DYRK4: variants seen among roughly 807,000 people sequenced by gnomAD.
DYRK4 encodes the protein dual specificity tyrosine phosphorylation regulated kinase 4, also known as dual specificity tyrosine-phosphorylation-regulated kinase 4.
Under a neutral mutation model 68.3 loss-of-function variants are expected in DYRK4, and 64 were observed. The observed-to-expected ratio is 0.94, with a 90% CI of 0.77 to 1.15. The LOEUF (loss-of-function observed/expected upper bound fraction) is 1.15, where lower values mean the gene tolerates loss of function less well. Among genes scored for constraint, DYRK4 ranks in the 50% most tolerant of loss-of-function variants. DYRK4 has a pLI of 0.00. For missense variants in DYRK4, 740 were observed against 764.7 expected (o/e 0.97, Z 0.38); for synonymous variants, 274 against 289.9 (o/e 0.95, Z 0.56).
At chr12:4,599,529 C>G (rs1945057658) in intron 9 of DYRK4, 178 bp from the exon 10 acceptor site, 2 of 586,214 alleles carry the variant, frequency 3.4e-6, no homozygotes, top group East Asian at 5.8e-5. Flanking sequence ...GAAACGCCGA[C>G]CACAAGTCAA....
intron 10 of DYRK4, chr12:4,603,082 T>G (rs1945099681): frequency 7.6e-7 from 1 of 1,321,942 alleles, no homozygotes; most frequent in African/African-American, 1.5e-5. Context: ...CCTCCAAGTC[T>G]TTCTGGCTTT....
chr12:4,597,501 G>T (rs540142698), intron 8 of DYRK4, among the ~76,000 whole-genome samples: 1 of 152,338 alleles, frequency 6.6e-6, no homozygotes, highest in South Asian at 2.1e-4. Context: ...ACAAAGCGTG[G>T]TCGAGTCTCT....
chr12:4,563,793 A>C (rs1255774150), intron 1 of DYRK4, among the ~76,000 whole-genome samples: 1 of 152,226 alleles, frequency 6.6e-6, no homozygotes, highest in Non-Finnish European at 1.5e-5. Flanking sequence ...TCTTGAGTAG[A>C]AAAGAGATAG....
In DYRK4 at chr12:4,567,948, C is replaced by G; in HGVS notation, c.39-7C>G. On this transcript the variant is annotated splice_region_variant and splice_polypyrimidine_tract_variant and intron_variant, in intron 1 of 14. Transcript: ENST00000543431. ...TGCCAATTTATTTTTTACTTTCCCT[C>G]ATGCAGGACTCAAATGGATGCTAAA... is the stretch of plus-strand genomic sequence containing the variant. 1 of 1,535,380 alleles carries G rather than the reference C, an allele frequency of 6.5e-7. No individual in the cohort carries two copies. The highest frequency in any genetic ancestry group is 8.7e-7 in the Non-Finnish European group (1 of 1,146,280).
intron 13 of DYRK4, among the ~76,000 whole-genome samples, chr12:4,611,246 G>C (rs1945217026): frequency 6.6e-6 from 1 of 152,104 alleles, no homozygotes; most frequent in Admixed American, 6.5e-5. Context: ...CATCGTAGGG[G>C]GTCATGCTAT....
In DYRK4 at chr12:4,613,596, G is replaced by A. The variant is rs749696146; in HGVS notation, c.1748G>A (p.Cys583Tyr). Residue 583 changes from cysteine (C) to tyrosine (Y), a missense_variant, in exon 15 of 15, where the codon TGT (cysteine) becomes TAT (tyrosine). By Grantham distance (194) the Cys-to-Tyr change is radical. Transcript: ENST00000543431. The surrounding 1 kb of genome is among the most constrained non-coding windows in gnomAD (Gnocchi z 4.0). ...HVQHSGDQQD[C>Y]LQHGADTVQL... ...CAGCATTCAGGTGATCAGCAGGACTGTCTCCAGCACGGAGCTGACACTGTT... is the reference window on the plus strand; with the variant it reads ...CAGCATTCAGGTGATCAGCAGGACTATCTCCAGCACGGAGCTGACACTGTT... 21 of 1,614,074 alleles carry A rather than the reference G, an allele frequency of 1.3e-5. No individual in the cohort carries two copies. The East Asian group carries it at 1.6e-4, about 12-fold the overall frequency.
chr12:4,587,917 A>G (rs1357301892), intron 2 of DYRK4, among the ~76,000 whole-genome samples: 1 of 152,254 alleles, frequency 6.6e-6, no homozygotes, highest in African/African-American at 2.4e-5. Context: ...GTCTGGAAGA[A>G]GGAGGAACCC....
intron 2 of DYRK4, among the ~76,000 whole-genome samples, chr12:4,571,593 T>G (rs1377532010): frequency 2.0e-5 from 3 of 152,332 alleles, no homozygotes; most frequent in Admixed American, 6.5e-5. Context: ...TTTGTCGTAT[T>G]TTATTGTATT....
chr12:4,600,059 A>G (rs1164894906), intron 10 of DYRK4, among the ~76,000 whole-genome samples: 2 of 152,210 alleles, frequency 1.3e-5, no homozygotes, highest in Admixed American at 6.5e-5. Flanking sequence ...CTAACTGTGT[A>G]TCTGAATTGC....
chr12:4,588,518 T>TG (rs1240147521), intron 2 of DYRK4, among the ~76,000 whole-genome samples: 19 of 152,320 alleles, frequency 1.2e-4, no homozygotes, highest in Non-Finnish European at 2.2e-4. Flanking sequence ...TGTGTTCCAC[T>TG]GGGTGGGTTC....
chr12:4,589,000 A>T lies in DYRK4; in HGVS notation c.196A>T (p.Thr66Ser). Reference protein sequence around the residue: ...PPSNIKNSRMTQVFHKNTSVT... With the variant: ...PPSNIKNSRMSQVFHKNTSVT... ...TTCCAATATCAAGAACTCCAGAATG[A>T]CCCAAGTCTTTCATAAGGTAGGGAG... is the stretch of plus-strand genomic sequence containing the variant. Residue 66 changes from threonine (T) to serine (S), a missense_variant, in exon 3 of 15, where the codon ACC becomes TCC. This residue lies in a region of DYRK4 where 56 missense variants were observed against 89.9 expected (regional missense o/e 0.62). Coordinates refer to ENST00000543431, the MANE Select transcript of DYRK4 (RefSeq NM_001394779.1). 1 of 1,536,112 alleles carries T rather than the reference A, an allele frequency of 6.5e-7. No homozygotes were observed. The highest frequency in any genetic ancestry group is 8.7e-7 in the Non-Finnish European group (1 of 1,146,896).
intron 11 of DYRK4, among the ~76,000 whole-genome samples, chr12:4,605,426 T>C (rs1945133194): frequency 6.6e-6 from 1 of 152,238 alleles, no homozygotes; most frequent in Non-Finnish European, 1.5e-5. Context: ...TCTGATAGTA[T>C]GTGAACAGGT....
Position 4,613,560 on chromosome 12 carries a change from C to T in DYRK4, c.1712C>T (p.Thr571Met), listed in dbSNP as rs749869548. ...ACAGAGAAAACAAAAGATAGCCCCACGAAGCATGTTCAGCATTCAGGTGAT... is the reference window on the plus strand; with the variant it reads ...ACAGAGAAAACAAAAGATAGCCCCATGAAGCATGTTCAGCATTCAGGTGAT... ...ETTEKTKDSP[T>M]KHVQHSGDQQ... is the part of the protein sequence containing the mutation. Residue 571 changes from threonine to methionine, a missense_variant, in exon 15 of 15, where the codon ACG becomes ATG. Thr to Met is a moderately conservative substitution (Grantham distance 81). This residue lies in a region of DYRK4 where 614 missense variants were observed against 603.7 expected (regional missense o/e 1.02). Transcript: ENST00000543431. This position sits in a 1 kb window ranked among gnomAD's most constrained non-coding sequence, Gnocchi z 4.0. 38 of 1,613,964 alleles carry T rather than the reference C, an allele frequency of 2.4e-5. No homozygotes were observed. The Admixed American group carries it at 2.8e-4, about 12-fold the overall frequency.
chr12:4,596,416 C>T (rs755251658), intron 7 of DYRK4, 131 bp downstream of exon 7: 24 of 1,520,282 alleles, frequency 1.6e-5, no homozygotes, highest in Admixed American at 2.2e-5. Flanking sequence ...TCTTTCTACC[C>T]GTCTGATTCC....
intron 12 of DYRK4, among the ~76,000 whole-genome samples, chr12:4,609,090 C>T (rs1435584824): frequency 2.0e-5 from 3 of 152,148 alleles, no homozygotes; most frequent in Non-Finnish European, 2.9e-5. Context: ...AGAGCACCTT[C>T]GTAGGAACGT....
intron 2 of DYRK4, among the ~76,000 whole-genome samples, chr12:4,569,734 T>G (rs1297743950): frequency 2.6e-5 from 4 of 152,044 alleles, no homozygotes; most frequent in Non-Finnish European, 5.9e-5. Context: ...CTGCTGGGAT[T>G]ACAGGTGTGA....
chr12:4,587,819 T>C (rs1440185580), intron 2 of DYRK4, among the ~76,000 whole-genome samples: 1 of 152,214 alleles, frequency 6.6e-6, no homozygotes, highest in Non-Finnish European at 1.5e-5. Context: ...CCAGTTGTTA[T>C]TTCAGTGTGG....
At chr12:4,588,362 C>T (rs950421526) in intron 2 of DYRK4, among the ~76,000 whole-genome samples, 6 of 152,196 alleles carry the variant, frequency 3.9e-5, no homozygotes, top group Admixed American at 6.5e-5. Context: ...TCTTTATCTG[C>T]GTACTGTACA....
chr12:4,566,759 T>C (rs1944681301), intron 1 of DYRK4, among the ~76,000 whole-genome samples: 1 of 152,200 alleles, frequency 6.6e-6, no homozygotes, highest in Admixed American at 6.5e-5. Context: ...AAGTTACTGG[T>C]AATTTTTGTT....
Sources: allele counts gnomAD v4.1 joint callset (sites outside exome capture counted in the v4.1 genomes callset), GRCh38; gene constraint gnomAD v4.1.1; regional missense constraint gnomAD v4.1.1; non-coding constraint Gnocchi (gnomAD v3.1); transcripts MANE v1.5; gene names NCBI Gene and HGNC (gene_info 2026-07-23, HGNC 2026-07-21).